PHLDB1: variants seen among roughly 807,000 people sequenced by gnomAD.
PHLDB1 encodes pleckstrin homology like domain family B member 1.
PHLDB1 carries 65 observed loss-of-function variants against 139.3 expected under a neutral mutation model. The ratio of observed to expected loss-of-function variants is 0.47; its 90% CI spans 0.38 to 0.57. The LOEUF (loss-of-function observed/expected upper bound fraction) is 0.57. Among genes scored for constraint, PHLDB1 ranks in the 20% least tolerant of loss-of-function variants. The pLI, the probability that PHLDB1 is intolerant of heterozygous loss-of-function variation, is 0.00. For missense variants in PHLDB1, 1,624 were observed against 1,839.7 expected, an observed-to-expected ratio of 0.88 and a Z score of 2.14; for synonymous variants, 679 against 734.5, an observed-to-expected ratio of 0.92 and a Z score of 1.22.
rs78180531 is a variant in PHLDB1, at chr11:118,656,167, A to G, written c.3993+275A>G. On this transcript the variant is annotated intron_variant, in intron 22 of 22. Transcript: ENST00000600882. Reference sequence around the variant, plus strand: ...GAGGGGACCCTTAAAGACTAGATTTAATAGGGAGAAATTGATAAACAGGAG... The same window carrying G: ...GAGGGGACCCTTAAAGACTAGATTTGATAGGGAGAAATTGATAAACAGGAG... Among the ~76,000 whole-genome samples the G allele has an allele frequency of 9.9e-3, 1,513 of 152,186 alleles. 19 individuals carry two copies. Among genetic ancestry groups the G allele is most frequent in the African/African-American group, 0.034 (1,426 of 41,528 alleles).
chr11:118,628,818 C>T (rs1414552611), intron 6 of PHLDB1, among the ~76,000 whole-genome samples, 168 bp downstream of exon 6: 2 of 152,188 alleles, frequency 1.3e-5, no homozygotes, highest in South Asian at 2.1e-4. Flanking sequence ...GTTCTGGTGC[C>T]GTGAAGAAGA....
intron 18 of PHLDB1, among the ~76,000 whole-genome samples, 194 bp downstream of exon 18, chr11:118,648,270 TG>T (rs201474458): frequency 1.6e-3 from 5 of 3,080 alleles, no homozygotes; most frequent in Admixed American, 5.7e-3. Context: ...CTATTCAAGT[TG>T]TGTGTGTGTG....
At chr11:118,653,800 A>G (rs1948658569) in intron 20 of PHLDB1, 1 of 152,240 alleles carries the variant, frequency 6.6e-6, no homozygotes, top group African/African-American at 2.4e-5. Context: ...CAGATTCAGC[A>G]TAAGTTCTAT....
chr11:118,616,128 G>A lies in PHLDB1; in HGVS notation c.272G>A (p.Arg91Gln), dbSNP rs150629027. Residue 91 changes from arginine to glutamine, a missense_variant, in exon 4 of 23, where the codon CGG (arginine) becomes CAG (glutamine). Arg to Gln is a conservative substitution (Grantham distance 43). Coordinates refer to ENST00000600882, the MANE Select transcript of PHLDB1 (RefSeq NM_001144758.3). ...APEHCYIENL[R>Q]GTLTLYPCGN... Reference sequence around the variant, plus strand: ...GAGCACTGCTACATCGAGAACCTGCGGGGCACCCTCACCCTCTACCCCTGT... The same window carrying A: ...GAGCACTGCTACATCGAGAACCTGCAGGGCACCCTCACCCTCTACCCCTGT... The A allele has an allele frequency of 1.2e-5, 20 of 1,614,012 alleles. No homozygotes were observed. The highest frequency in any genetic ancestry group is 1.6e-4 in the Middle Eastern group (1 of 6,062).
At chr11:118,630,167 C>A in intron 6 of PHLDB1, 1 of 818,870 alleles carries the variant, frequency 1.2e-6, no homozygotes, top group Non-Finnish European at 1.8e-6. Context: ...ATGAGAGACA[C>A]TTGAGGAGGT....
chr11:118,631,777 G>T (rs1555110811), intron 7 of PHLDB1, 136 bp from the exon 8 acceptor site: 9 of 1,061,132 alleles, frequency 8.5e-6, no homozygotes, highest in Non-Finnish European at 1.1e-5. Flanking sequence ...GGGGGTTGCG[G>T]GGGGGCAGGG....
At chr11:118,646,997 G>T (rs1209783105) in intron 17 of PHLDB1, 2 of 152,094 alleles carry the variant, frequency 1.3e-5, no homozygotes, top group Non-Finnish European at 2.9e-5. Context: ...GGTATAGGAG[G>T]TCTTTATTAG....
At chr11:118,624,742 T>C (rs188992545) in intron 4 of PHLDB1, 192 bp from the exon 5 acceptor site, 9 of 555,882 alleles carry the variant, frequency 1.6e-5, no homozygotes, top group Admixed American at 6.1e-5. Context: ...GCTGGGATTA[T>C]GGGATTACAG....
Position 118,628,545 on chromosome 11 carries a change from G to A in PHLDB1, c.1722G>A (p.Glu574=). Residue 574 remains glutamate (E), a synonymous_variant, in exon 6 of 23, where the codon GAG becomes GAA. Coordinates refer to ENST00000600882, the MANE Select transcript of PHLDB1 (RefSeq NM_001144758.3). ...ACTTGCGGGTGCCTGTCACAAGGGA[G>A]CGGAAAAATAGCATCACAGAGATCA... ...SGDLRVPVTR[E]RKNSITEISD... The A allele has an allele frequency of 6.2e-7, 1 of 1,613,190 alleles. No homozygotes were observed. The highest frequency in any genetic ancestry group is 8.5e-7 in the Non-Finnish European group (1 of 1,180,018).
intron 1 of PHLDB1, chr11:118,613,570 C>A: frequency 2.8e-6 from 2 of 717,560 alleles, no homozygotes; most frequent in Non-Finnish European, 2.0e-6. Flanking sequence ...CCCTATGGGA[C>A]TGTTTGTGCT....
At chr11:118,607,943 C>G (rs1939433165) in intron 1 of PHLDB1, among the ~76,000 whole-genome samples, 1 of 152,096 alleles carries the variant, frequency 6.6e-6, no homozygotes, top group South Asian at 2.1e-4. Flanking sequence ...AACGCCACCG[C>G]CAGAGGGGGC....
chr11:118,622,755 G>C (rs148846978), intron 4 of PHLDB1, among the ~76,000 whole-genome samples: 1 of 152,332 alleles, frequency 6.6e-6, no homozygotes, highest in East Asian at 1.9e-4. Flanking sequence ...GCTAAATGGA[G>C]GGGGAGGGGC....
intron 10 of PHLDB1, chr11:118,637,492 C>G (rs1555116515): frequency 6.6e-6 from 1 of 152,248 alleles, no homozygotes; most frequent in Non-Finnish European, 1.5e-5. Context: ...CAGGTGCCCC[C>G]CCAACCCCAC....
chr11:118,631,814 A>G, intron 7 of PHLDB1, 99 bp from the exon 8 acceptor site: 1 of 1,359,814 alleles, frequency 7.4e-7, no homozygotes, highest in Non-Finnish European at 1.0e-6. Context: ...CAGTCCAGCT[A>G]TTCCTCAGCA....
In PHLDB1 at chr11:118,616,131, G is replaced by A. The variant is rs782456833; in HGVS notation, c.275G>A (p.Gly92Asp). 140 of 1,613,890 alleles carry A rather than the reference G, an allele frequency of 8.7e-5. No homozygotes were observed. The highest frequency in any genetic ancestry group is 6.6e-4 in the Middle Eastern group (4 of 6,084). ...PEHCYIENLR[G>D]TLTLYPCGNA... ...CACTGCTACATCGAGAACCTGCGGG[G>A]CACCCTCACCCTCTACCCCTGTGGC... is the stretch of plus-strand genomic sequence containing the variant. The change falls in exon 4 of 23, where the codon GGC (glycine) becomes GAC (aspartate). Residue 92 changes from glycine to aspartate, a missense_variant. Coordinates refer to ENST00000600882, the MANE Select transcript of PHLDB1 (RefSeq NM_001144758.3).
At chr11:118,624,570 T>G in intron 4 of PHLDB1, 2 of 241,112 alleles carry the variant, frequency 8.3e-6, no homozygotes, top group South Asian at 4.4e-5. Flanking sequence ...CTTCCAAGTG[T>G]TTTCTCTCTT....
chr11:118,650,674 C>T lies in PHLDB1; in HGVS notation c.3874+127C>T. 3.1e-6 allele frequency: 2 copies of T among 652,012 alleles called. No homozygotes were observed. The highest frequency in any genetic ancestry group is 5.5e-6 in the Non-Finnish European group (2 of 364,384). The allele number at this position is 652,012 out of a possible 1,614,324, so 40.4% of individuals were successfully genotyped here. A position where few individuals can be genotyped will look rare whatever the true frequency, so the allele number is the denominator to read the frequency against. On this transcript the variant is annotated intron_variant, in intron 20 of 22. Transcript: ENST00000600882. This position sits in a 1 kb window ranked among gnomAD's most constrained non-coding sequence, Gnocchi z 4.7. ...GACCAGAGTCTTGGGCTAGGCTTTG[C>T]CCTCCTTCCCTGAAAATGTACACAA...
chr11:118,651,449 A>G lies in PHLDB1; in HGVS notation c.3874+902A>G, dbSNP rs990615066. ...GGTTGCAGTGAGCCGAGACTGCGCCACTGCACTCCAGCCTGGACAACAGCG... is the reference window on the plus strand; with the variant it reads ...GGTTGCAGTGAGCCGAGACTGCGCCGCTGCACTCCAGCCTGGACAACAGCG... On this transcript the variant is annotated intron_variant, in intron 20 of 22. Coordinates refer to ENST00000600882, the MANE Select transcript of PHLDB1 (RefSeq NM_001144758.3). The G allele has an allele frequency of 1.1e-4, 16 of 151,400 alleles. 1 individual carries two copies. The highest frequency in any genetic ancestry group is 2.1e-4 in the Non-Finnish European group (14 of 67,996). The allele number at this position is 151,400 out of a possible 1,614,324, so 9.4% of individuals were successfully genotyped here. A position where few individuals can be genotyped will look rare whatever the true frequency, so the allele number is the denominator to read the frequency against.
In PHLDB1 at chr11:118,635,498, G is replaced by A; in HGVS notation, c.2485G>A (p.Gly829Arg). 3 of 1,609,050 alleles carry A rather than the reference G, an allele frequency of 1.9e-6. No individual in the cohort carries two copies. Among genetic ancestry groups the A allele is most frequent in the Non-Finnish European group, 2.5e-6 (3 of 1,178,030 alleles). Residue 829 changes from glycine to arginine, a missense_variant, in exon 10 of 23, where the codon GGG becomes AGG. Coordinates refer to ENST00000600882, the MANE Select transcript of PHLDB1 (RefSeq NM_001144758.3). The stretch of plus-strand genomic sequence containing the variant: ...GGAGGAGCGCGAGCTGGCCGGCCAG[G>A]GGCTGCTCCGGAGCAAGGCTGAGCT... The part of the protein sequence containing the change: ...VEEERELAGQ[G>R]LLRSKAELLR...
Sources: allele counts gnomAD v4.1 joint callset (sites outside exome capture counted in the v4.1 genomes callset), GRCh38; gene constraint gnomAD v4.1.1; non-coding constraint Gnocchi (gnomAD v3.1); transcripts MANE v1.5; gene names NCBI Gene and HGNC (gene_info 2026-07-23, HGNC 2026-07-21).